Variants in KHDRBS2 observed in about 807,000 individuals in gnomAD.
The protein encoded by KHDRBS2 is KH domain-containing, RNA-binding, signal transduction-associated protein 2.
KHDRBS2 carries 26 observed loss-of-function variants against 44.3 expected under a neutral mutation model. That is an observed-to-expected ratio of 0.59 (90% CI 0.43 to 0.81). The LOEUF (loss-of-function observed/expected upper bound fraction) is 0.81, where lower values mean the gene tolerates loss of function less well. KHDRBS2 is among the 40% of genes least tolerant of loss of function. The pLI, the probability that KHDRBS2 is intolerant of heterozygous loss-of-function variation, is 0.00. For synonymous variants in KHDRBS2, 194 were observed against 151.1 expected (o/e 1.28, Z -2.08); for missense variants, 476 against 433.1 (o/e 1.10, Z -0.88).
the KHDRBS2 span, among the ~76,000 whole-genome samples, chr6:61,620,138 T>G: frequency 6.6e-6 from 1 of 152,102 alleles, no homozygotes; most frequent in Non-Finnish European, 1.5e-5. Context: ...TAATTAAAAA[T>G]TCTATTTTAA....
At chr6:61,964,004 AT>A (rs1198565836) in intron 4 of KHDRBS2, among the ~76,000 whole-genome samples, 1 of 152,030 alleles carries the variant, frequency 6.6e-6, no homozygotes, top group Non-Finnish European at 1.5e-5. Context: ...ACCAGTTTTA[AT>A]TCTGTTTTCC....
At chr6:61,601,763 C>T in the KHDRBS2 span, among the ~76,000 whole-genome samples, 89,472 of 151,402 alleles carry the variant, frequency 0.59, 26,636 homozygotes, top group African/African-American at 0.61. Context: ...CAGGCTGAGC[C>T]AGGTCCCAAT....
At chr6:61,597,749 TATATATATAC>T in the KHDRBS2 span, among the ~76,000 whole-genome samples, 1,428 of 53,152 alleles carry the variant, frequency 0.027, 105 homozygotes, top group East Asian at 0.093. Context: ...TATATATATA[TATATATATAC>T]ATATATATAT....
At chr6:61,626,979 C>A in the KHDRBS2 span, among the ~76,000 whole-genome samples, 2 of 151,950 alleles carry the variant, frequency 1.3e-5, no homozygotes, top group South Asian at 4.2e-4. Context: ...TGGGGCCGGG[C>A]GCGGTGGCTC....
At chr6:62,223,632 C>T (rs923893228) in intron 1 of KHDRBS2, among the ~76,000 whole-genome samples, 3 of 152,146 alleles carry the variant, frequency 2.0e-5, no homozygotes, top group African/African-American at 4.8e-5. Context: ...AAAATGAATG[C>T]TTTTAACAGC....
intron 2 of KHDRBS2, among the ~76,000 whole-genome samples, chr6:62,077,804 G>A (rs116483701): frequency 6.6e-6 from 1 of 151,920 alleles, no homozygotes; most frequent in Non-Finnish European, 1.5e-5. Context: ...TTAAACTGAA[G>A]GAAAGAATTA....
intron 7 of KHDRBS2, among the ~76,000 whole-genome samples, chr6:61,713,671 C>A (rs1239273001): frequency 1.3e-5 from 2 of 150,598 alleles, no homozygotes; most frequent in African/African-American, 2.4e-5. Flanking sequence ...AAGCAAACAG[C>A]ATGGGACTTG....
chr6:62,065,530 A>G (rs1584471236), intron 2 of KHDRBS2, among the ~76,000 whole-genome samples: 2 of 150,450 alleles, frequency 1.3e-5, no homozygotes, highest in East Asian at 3.9e-4. Flanking sequence ...AACTATCGCA[A>G]GAACAAAAAA....
chr6:62,238,192 G>T (rs1421122977), intron 1 of KHDRBS2, among the ~76,000 whole-genome samples: 3 of 151,960 alleles, frequency 2.0e-5, no homozygotes, highest in African/African-American at 4.8e-5. Flanking sequence ...ACACTATTTT[G>T]CACAGTAGCT....
chr6:61,920,191 A>T lies in KHDRBS2; in HGVS notation c.484-18820T>A, dbSNP rs1281050698. On this transcript the variant is annotated intron_variant, in intron 4 of 8. Coordinates refer to ENST00000281156, the MANE Select transcript of KHDRBS2 (RefSeq NM_152688.4). ...AGATTCTGGAGAGGTTGTTTCATGCAGCAATTATGAATATCACTGTGTGGC... is the reference window on the plus strand; with the variant it reads ...AGATTCTGGAGAGGTTGTTTCATGCTGCAATTATGAATATCACTGTGTGGC... 1.9e-4 allele frequency among the ~76,000 whole-genome samples: 29 copies of T among 151,958 alleles called. 1 individual carries two copies. The highest frequency in any genetic ancestry group is 1.8e-3 in the Admixed American group (27 of 15,194).
chr6:61,978,198 C>T lies in KHDRBS2; in HGVS notation c.351G>A (p.Arg117=). 6.2e-7 allele frequency: 1 copy of T among 1,603,886 alleles called. No homozygotes were observed. The highest frequency in any genetic ancestry group is 8.5e-7 in the Non-Finnish European group (1 of 1,176,290). ...MRDKAKEEEL[R]KSGEAKYAHL... Reference sequence around the variant, plus strand: ...GGGCATATTTGGCTTCCCCACTCTTCCTTAGTTCTTCTTCCTGTGAAAAAG... The same window carrying T: ...GGGCATATTTGGCTTCCCCACTCTTTCTTAGTTCTTCTTCCTGTGAAAAAG... Residue 117 remains arginine (R), a synonymous_variant, in exon 4 of 9, where the codon AGG becomes AGA. Transcript: ENST00000281156.
intron 1 of KHDRBS2, among the ~76,000 whole-genome samples, chr6:62,238,586 T>C (rs1313633980): frequency 6.6e-6 from 1 of 152,064 alleles, no homozygotes; most frequent in African/African-American, 2.4e-5. Flanking sequence ...AAACATGTAA[T>C]TATTAAATTA....
chr6:62,237,801 G>A (rs1314796842), intron 1 of KHDRBS2, among the ~76,000 whole-genome samples: 1 of 152,112 alleles, frequency 6.6e-6, no homozygotes, highest in African/African-American at 2.4e-5. Flanking sequence ...AGCACTTTGG[G>A]AGGCAGAGGT....
the KHDRBS2 span, among the ~76,000 whole-genome samples, chr6:61,545,418 T>A: frequency 6.6e-6 from 1 of 152,044 alleles, no homozygotes; most frequent in African/African-American, 2.4e-5. Context: ...CAACATGTGC[T>A]TTTGACATAA....
chr6:62,105,212 C>A (rs920610074), intron 2 of KHDRBS2, among the ~76,000 whole-genome samples: 2 of 152,068 alleles, frequency 1.3e-5, no homozygotes, highest in African/African-American at 2.4e-5. Context: ...AGAAGTAATG[C>A]TAATTCTACA....
intron 3 of KHDRBS2, 37 bp downstream of exon 3, chr6:62,047,841 C>T (rs754759806): frequency 4.4e-6 from 6 of 1,349,470 alleles, no homozygotes; most frequent in East Asian, 4.6e-5. Context: ...TAGGTAACCT[C>T]CTGAATGTGG....
chr6:61,588,082 T>C, the KHDRBS2 span, among the ~76,000 whole-genome samples: 1 of 152,216 alleles, frequency 6.6e-6, no homozygotes, highest in Non-Finnish European at 1.5e-5. Context: ...CCTACCATCA[T>C]CAAACTAGTT....
chr6:61,798,798 C>A (rs986628523), intron 6 of KHDRBS2, among the ~76,000 whole-genome samples: 1 of 151,846 alleles, frequency 6.6e-6, no homozygotes, highest in Non-Finnish European at 1.5e-5. Context: ...AAAAATGCAA[C>A]ATATTTTTAT....
intron 3 of KHDRBS2, among the ~76,000 whole-genome samples, chr6:62,009,430 A>G (rs1223130886): frequency 6.6e-6 from 1 of 152,218 alleles, no homozygotes; most frequent in African/African-American, 2.4e-5. Flanking sequence ...GAGCTTGACA[A>G]TGTGATAGAA....
Sources: gnomAD v4.1 joint callset for allele counts (sites outside exome capture counted in the v4.1 genomes callset) on GRCh38, gnomAD v4.1.1 for gene constraint, MANE v1.5 for transcripts, NCBI Gene and HGNC (gene_info 2026-07-23, HGNC 2026-07-21) for gene names.